FLT1: variants seen among roughly 807,000 people sequenced by gnomAD.
FLT1 encodes fms related receptor tyrosine kinase 1.
FLT1 carries 49 observed loss-of-function variants against 156.3 expected under a neutral mutation model. The observed-to-expected ratio is 0.31, with a 90% CI of 0.25 to 0.40. The LOEUF is 0.40. FLT1 is among the 10% of genes least tolerant of loss of function. The pLI is 1.00. For synonymous variants in FLT1, 594 were observed against 583.8 expected, an observed-to-expected ratio of 1.02 and a Z score of -0.25; for missense variants, 1,322 against 1,637.2, an observed-to-expected ratio of 0.81 and a Z score of 3.32.
Position 28,433,848 on chromosome 13 carries a change from C to T in FLT1, c.784G>A (p.Val262Ile), listed in dbSNP as rs775173527. The T allele has an allele frequency of 1.9e-6, 3 of 1,613,854 alleles. No homozygotes were observed. The African/African-American group carries it at 4.0e-5, about 22-fold the overall frequency. Residue 262 changes from valine to isoleucine, a missense_variant, in exon 6 of 30, where the codon GTT becomes ATT. By Grantham distance (29) the Val-to-Ile change is conservative (BLOSUM62 3). Transcript: ENST00000282397. Reference sequence around the variant, plus strand: ...TCAGGGTAACTCCAGGTCATTTGAACTCTCGTGTTCAAGGGAGTGGTAGCA... The same window carrying T: ...TCAGGGTAACTCCAGGTCATTTGAATTCTCGTGTTCAAGGGAGTGGTAGCA... ...CTATTPLNTR[V>I]QMTWSYPDEK...
intron 3 of FLT1, among the ~76,000 whole-genome samples, chr13:28,457,167 A>T (rs961153661): frequency 1.3e-5 from 2 of 150,426 alleles, no homozygotes; most frequent in Non-Finnish European, 2.9e-5. Flanking sequence ...TCTAGGAAAA[A>T]AAAAAATCAT....
Position 28,481,347 on chromosome 13 carries a change from G to C in FLT1, c.64+13433C>G, listed in dbSNP as rs531349645. 6.6e-5 allele frequency among the ~76,000 whole-genome samples: 10 copies of C among 152,130 alleles called. No homozygotes were observed. In the East Asian group the frequency reaches 1.5e-3, roughly 24 times the overall value. ...AATGAGAAAATGGTCACTGGACCTA[G>C]AAGATAACCCAAATGGAAGGAACAG... On this transcript the variant is annotated intron_variant, in intron 1 of 29. Coordinates refer to ENST00000282397, the MANE Select transcript of FLT1 (RefSeq NM_002019.4).
chr13:28,334,158 T>C, intron 17 of FLT1, 29 bp from the exon 18 acceptor site: 1 of 1,456,574 alleles, frequency 6.9e-7, no homozygotes, highest in Non-Finnish European at 9.7e-7. Flanking sequence ...ACTGGTTTGT[T>C]TGCCGAGGCA....
Position 28,372,569 on chromosome 13 carries a change from T to TAC in FLT1, c.2116+12315_2116+12316insGT, listed in dbSNP as rs889341654. On this transcript the variant is annotated intron_variant, in intron 14 of 29. Transcript: ENST00000282397. ...ATATTCCTCGTTTAAATAAAATGTA[T>TAC]ATATATATATATATATATATATATA... Among the ~76,000 whole-genome samples, 14 of 12,154 alleles carry TAC rather than the reference T, an allele frequency of 1.2e-3. 1 individual carries two copies. In the South Asian group the frequency reaches 0.023, roughly 20 times the overall value. 8.0% of individuals were successfully genotyped at this position (12,154 alleles called of 152,430 possible).
chr13:28,303,443 T>C (rs1870599743), intron 29 of FLT1, 75 bp from the exon 30 acceptor site: 1 of 1,311,142 alleles, frequency 7.6e-7, no homozygotes, highest in Non-Finnish European at 1.1e-6. Context: ...AATCTACTCT[T>C]TCTGAGTGGG....
chr13:28,452,784 T>G (rs1181426490), intron 3 of FLT1, among the ~76,000 whole-genome samples: 1 of 152,064 alleles, frequency 6.6e-6, no homozygotes. Flanking sequence ...AATTGCTTCT[T>G]GCCAATGAAA....
At chr13:28,491,920 T>A (rs678714) in intron 1 of FLT1, among the ~76,000 whole-genome samples, 136,861 of 152,258 alleles carry the variant, frequency 0.9, 61,866 homozygotes, top group African/African-American at 0.97. Context: ...AGGGAAATTT[T>A]AAAAATGTAA....
At chr13:28,398,895 A>G (rs949673798) in intron 11 of FLT1, 3 of 629,890 alleles carry the variant, frequency 4.8e-6, no homozygotes, top group African/African-American at 3.7e-5. Flanking sequence ...AGGAAAGCGC[A>G]TATGAAGGCA....
intron 20 of FLT1, among the ~76,000 whole-genome samples, chr13:28,324,533 G>A (rs1369470240): frequency 1.3e-5 from 2 of 152,252 alleles, no homozygotes; most frequent in African/African-American, 4.8e-5. Context: ...GCAGGCCTCA[G>A]AGTGAATACC....
At chr13:28,424,339 T>G (rs1877209821) in intron 10 of FLT1, among the ~76,000 whole-genome samples, 1 of 152,202 alleles carries the variant, frequency 6.6e-6, no homozygotes, top group Admixed American at 6.5e-5. Flanking sequence ...GTAATCATCC[T>G]TTCCCTCCTC....
intron 14 of FLT1, among the ~76,000 whole-genome samples, chr13:28,383,111 A>G (rs1040059162): frequency 6.6e-6 from 1 of 152,168 alleles, no homozygotes; most frequent in African/African-American, 2.4e-5. Flanking sequence ...CTCTTATTTA[A>G]CCACAGATTT....
At chr13:28,341,173 GTGGCACCTA>G (rs1330968520) in intron 16 of FLT1, among the ~76,000 whole-genome samples, 1 of 152,142 alleles carries the variant, frequency 6.6e-6, no homozygotes, top group Non-Finnish European at 1.5e-5. Context: ...AGTCTCCCAC[GTGGCACCTA>G]TGGAATTTTA....
intron 10 of FLT1, among the ~76,000 whole-genome samples, chr13:28,412,330 TTTTCTTTC>T (rs1555236468): frequency 6.5e-5 from 6 of 92,556 alleles, no homozygotes; most frequent in East Asian, 3.1e-4. Context: ...TCTTTCTTTC[TTTTCTTTC>T]TTTCTTTCTT....
chr13:28,424,682 ACATAGATACGCCCTTTCACT>A, intron 10 of FLT1, among the ~76,000 whole-genome samples: 1 of 152,356 alleles, frequency 6.6e-6, no homozygotes, highest in East Asian at 1.9e-4. Flanking sequence ...CCGTGGATAT[ACATAGATACGCCCTTTCACT>A]AGAGCCTAAA....
At chr13:28,345,696 C>A in intron 15 of FLT1, 145 bp from the exon 16 acceptor site, 1 of 682,004 alleles carries the variant, frequency 1.5e-6, no homozygotes, top group Non-Finnish European at 2.7e-6. Context: ...GTCTCTGGGA[C>A]AGATCTCTTA....
At position 28,419,602 on chromosome 13, in the gene FLT1, G is replaced by A. The variant is rs184246522; in HGVS notation, c.1436+7557C>T. Reference sequence around the variant, plus strand: ...TCACTATAAAAACCATCCAGCGGCCGGGTGCGGTGGCTCATGCCTGTAATC... The same window carrying A: ...TCACTATAAAAACCATCCAGCGGCCAGGTGCGGTGGCTCATGCCTGTAATC... On this transcript the variant is annotated intron_variant, in intron 10 of 29. Coordinates refer to ENST00000282397, the MANE Select transcript of FLT1 (RefSeq NM_002019.4). Among the ~76,000 whole-genome samples, 17 of 152,286 alleles carry A rather than the reference G, an allele frequency of 1.1e-4. No homozygotes were observed. The East Asian group carries it at 2.9e-3, about 26-fold the overall frequency.
intron 3 of FLT1, among the ~76,000 whole-genome samples, chr13:28,461,591 G>C (rs543925054): frequency 6.6e-6 from 1 of 152,258 alleles, no homozygotes; most frequent in Admixed American, 6.5e-5. Flanking sequence ...TCCAGCCTGG[G>C]CGACAAAGCA....
intron 28 of FLT1, among the ~76,000 whole-genome samples, chr13:28,307,999 C>T (rs2138808859): frequency 6.6e-6 from 1 of 152,324 alleles, no homozygotes; most frequent in South Asian, 2.1e-4. Context: ...GTCTCAATCT[C>T]CTGACCTCGT....
intron 11 of FLT1, among the ~76,000 whole-genome samples, chr13:28,398,039 A>G (rs1347065902): frequency 6.6e-6 from 1 of 152,072 alleles, no homozygotes; most frequent in Non-Finnish European, 1.5e-5. Flanking sequence ...TCTTCCAAAG[A>G]AAAAAAATTG....
Sources: allele counts gnomAD v4.1 joint callset (sites outside exome capture counted in the v4.1 genomes callset), GRCh38; gene constraint gnomAD v4.1.1; transcripts MANE v1.5; gene names NCBI Gene and HGNC (gene_info 2026-07-23, HGNC 2026-07-21).